FAM120B: variants seen among roughly 807,000 people sequenced by gnomAD.
The protein encoded by FAM120B is constitutive coactivator of peroxisome proliferator-activated receptor gamma.
In FAM120B, 83 loss-of-function variants were observed where a neutral mutation model predicts 96.3. That is an observed-to-expected ratio of 0.86 (90% CI 0.72 to 1.03). The LOEUF (loss-of-function observed/expected upper bound fraction) is 1.03. FAM120B is among the 50% of genes least tolerant of loss of function. The pLI, the probability that FAM120B is intolerant of heterozygous loss-of-function variation, is 0.00. For synonymous variants in FAM120B, 407 were observed against 402.7 expected (o/e 1.01, Z -0.13); for missense variants, 1,027 against 1,121.2 (o/e 0.92, Z 1.20).
intron 6 of FAM120B, among the ~76,000 whole-genome samples, chr6:170,361,276 A>T (rs1309196120): frequency 6.9e-6 from 1 of 144,656 alleles, no homozygotes; most frequent in Non-Finnish European, 1.5e-5. Context: ...ATAGTTACAT[A>T]CATATTAAAA....
rs1277889353 is a variant in FAM120B, at chr6:170,370,110, C to T, written c.2283+11792C>T. 6.6e-6 allele frequency among the ~76,000 whole-genome samples: 1 copy of T among 152,150 alleles called. No individual in the cohort carries two copies. Among genetic ancestry groups the T allele is most frequent in the Non-Finnish European group, 1.5e-5 (1 of 68,024 alleles). The stretch of plus-strand genomic sequence containing the variant: ...TCTGTGAGTCGGCAGAAATTTATCG[C>T]AGAGACATTGCAGAGGTGAGACGGA... On this transcript the variant is annotated intron_variant, in intron 6 of 10. Coordinates refer to ENST00000476287, the MANE Select transcript of FAM120B (RefSeq NM_032448.3). This position sits in a 1 kb window ranked among gnomAD's most constrained non-coding sequence, Gnocchi z 4.3.
At chr6:170,323,782 C>T (rs9356641) in intron 3 of FAM120B, among the ~76,000 whole-genome samples, 17,427 of 152,078 alleles carry the variant, frequency 0.11, 1,312 homozygotes, top group East Asian at 0.31. Context: ...GAGTAGAGAG[C>T]GGACCATCAA....
At chr6:170,304,566 C>T (rs762017477), upstream of FAM120B, among the ~76,000 whole-genome samples, 12 of 151,848 alleles carry the variant, frequency 7.9e-5, no homozygotes, top group Non-Finnish European at 1.8e-4. Context: ...TTTTTTGTTC[C>T]ATCATCTGAG....
At chr6:170,343,546 C>A (rs1786977555) in intron 4 of FAM120B, among the ~76,000 whole-genome samples, 1 of 152,034 alleles carries the variant, frequency 6.6e-6, no homozygotes, top group Non-Finnish European at 1.5e-5. Context: ...TGGTGATTTT[C>A]TATAATCTAT....
chr6:170,398,425 G>C (rs878900603), intron 9 of FAM120B, among the ~76,000 whole-genome samples: 1 of 151,960 alleles, frequency 6.6e-6, no homozygotes, highest in Non-Finnish European at 1.5e-5. Context: ...TAACTCTTAG[G>C]AGTGAGTGAG....
In FAM120B at chr6:170,318,277, T is replaced by A. The variant is rs1307195806; in HGVS notation, c.887T>A (p.Leu296His). ...TTACCTCTGGGACCAAACAAAGCTC[T>A]TTTTTATAAAGGAATGGCATCATAT... ...EILPLGPNKA[L>H]FYKGMASYLL... Residue 296 changes from leucine (L) to histidine (H), a missense_variant, in exon 2 of 11, where the codon CTT becomes CAT. Around this residue, in one of 3 missense-constraint regions of FAM120B, gnomAD observed 880 missense variants for 980.9 expected, o/e 0.90. Transcript: ENST00000476287. The A allele has an allele frequency of 1.2e-6, 2 of 1,614,130 alleles. No homozygotes were observed. The highest frequency in any genetic ancestry group is 2.2e-5 in the South Asian group (2 of 91,078).
intron 9 of FAM120B, among the ~76,000 whole-genome samples, chr6:170,395,858 G>T (rs7762492): frequency 3.9e-5 from 6 of 152,146 alleles, no homozygotes; most frequent in Non-Finnish European, 5.9e-5. Flanking sequence ...CTTGCTAGAA[G>T]GTACTTGTAA....
At position 170,388,449 on chromosome 6, in the gene FAM120B, C is replaced by T; in HGVS notation, c.2446C>T (p.Gln816Ter). The T allele has an allele frequency of 6.2e-7, 1 of 1,614,124 alleles. No individual in the cohort carries two copies. Among genetic ancestry groups the T allele is most frequent in the Non-Finnish European group, 8.5e-7 (1 of 1,180,030 alleles). ...DGKLFHQKYL[Q>*]SEKGYAVEVL... ...GAAGCTTTTTCATCAGAAGTACTTG[C>T]AATCTGAAAAGGGTTATGCTGTGGA... is the stretch of plus-strand genomic sequence containing the variant. The change falls in exon 7 of 11, where the codon CAA becomes TAA. Residue 816 changes from glutamine (Q) to a stop codon, truncating the protein, a stop_gained. Transcript: ENST00000476287. LOFTEE classifies it high-confidence loss of function.
intron 6 of FAM120B, among the ~76,000 whole-genome samples, chr6:170,376,809 A>G (rs1456038533): frequency 6.6e-6 from 1 of 152,240 alleles, no homozygotes; most frequent in Non-Finnish European, 1.5e-5. Flanking sequence ...TTGGTAAGAA[A>G]TAGAAGTCTG....
intron 6 of FAM120B, among the ~76,000 whole-genome samples, chr6:170,380,593 T>C (rs908442153): frequency 1.3e-5 from 2 of 152,266 alleles, no homozygotes; most frequent in African/African-American, 4.8e-5. Context: ...TGCTTCTCCC[T>C]GGTGATTAGT....
chr6:170,322,003 A>AATCT (rs1298703174), intron 2 of FAM120B, among the ~76,000 whole-genome samples: 1 of 152,242 alleles, frequency 6.6e-6, no homozygotes, highest in East Asian at 1.9e-4. Context: ...TTTGAATAGT[A>AATCT]ATCTAGATGA....
rs541332929 is a variant in FAM120B, at chr6:170,360,443, T to C, written c.2283+2125T>C. ...AAGTAGAGCCAGGCTTTTGACACCC[T>C]GTCCGGGGTTCTGGCCATGCTGCCA... On this transcript the variant is annotated intron_variant, in intron 6 of 10. Transcript: ENST00000476287. 8.5e-5 allele frequency among the ~76,000 whole-genome samples: 13 copies of C among 152,310 alleles called. No individual in the cohort carries two copies. The East Asian group carries it at 2.5e-3, about 29-fold the overall frequency.
intron 6 of FAM120B, among the ~76,000 whole-genome samples, chr6:170,361,233 T>TATATATATAC (rs1554286467): frequency 1.7e-5 from 2 of 120,136 alleles, no homozygotes; most frequent in Admixed American, 9.3e-5. Flanking sequence ...TATATATATA[T>TATATATATAC]ATACACGTAT....
chr6:170,338,719 A>G (rs527425630), intron 4 of FAM120B, among the ~76,000 whole-genome samples: 13 of 151,932 alleles, frequency 8.6e-5, no homozygotes, highest in African/African-American at 3.1e-4. Flanking sequence ...TTGGGTGCAT[A>G]TATATTTAGG....
intron 5 of FAM120B, among the ~76,000 whole-genome samples, chr6:170,355,750 A>G (rs1583254773): frequency 6.6e-6 from 1 of 152,092 alleles, no homozygotes; most frequent in South Asian, 2.1e-4. Flanking sequence ...ATGTAAAAAG[A>G]TATTTCTTTT....
At chr6:170,343,324 C>T (rs774851745) in intron 4 of FAM120B, among the ~76,000 whole-genome samples, 11 of 151,996 alleles carry the variant, frequency 7.2e-5, no homozygotes, top group South Asian at 2.1e-4. Context: ...GAGGATGTTC[C>T]GTTGTGGTAG....
At chr6:170,358,419 A>T (rs2115185071) in intron 6 of FAM120B, 101 bp downstream of exon 6, 1 of 864,834 alleles carries the variant, frequency 1.2e-6, no homozygotes, top group East Asian at 2.7e-5. Context: ...AAGATCAGGA[A>T]GGTATTTTAG....
chr6:170,321,432 C>T (rs745811693), intron 2 of FAM120B, among the ~76,000 whole-genome samples: 1 of 152,190 alleles, frequency 6.6e-6, no homozygotes, highest in Non-Finnish European at 1.5e-5. Flanking sequence ...TCACTGTCAC[C>T]CAGGTTGCAG....
intron 9 of FAM120B, among the ~76,000 whole-genome samples, chr6:170,401,049 A>G (rs1160456882): frequency 6.6e-6 from 1 of 152,246 alleles, no homozygotes; most frequent in Non-Finnish European, 1.5e-5. Flanking sequence ...AACAGTGTCC[A>G]GAAATTTCTC....
Sources: gnomAD v4.1 joint callset for allele counts (sites outside exome capture counted in the v4.1 genomes callset) on GRCh38, gnomAD v4.1.1 for gene constraint, gnomAD v4.1.1 regional missense constraint, Gnocchi (gnomAD v3.1) non-coding constraint, MANE v1.5 for transcripts, NCBI Gene and HGNC (gene_info 2026-07-23, HGNC 2026-07-21) for gene names.